The following VPS13C variants were observed in gnomAD, a reference collection of about 807,000 sequenced individuals.
VPS13C encodes vacuolar protein sorting 13 homolog C.
Under a neutral mutation model 456.8 loss-of-function variants are expected in VPS13C, and 358 were observed. The ratio of observed to expected loss-of-function variants is 0.78; its 90% CI spans 0.72 to 0.86. The LOEUF is 0.86. Among genes scored for constraint, VPS13C ranks in the 40% least tolerant of loss-of-function variants. The pLI, the probability that VPS13C is intolerant of heterozygous loss-of-function variation, is 0.00. For missense variants in VPS13C, 4,818 were observed against 4,385.4 expected (o/e 1.10, Z -2.79); for synonymous variants, 1,578 against 1,486.7 (o/e 1.06, Z -1.41).
chr15:61,931,365 A>G lies in VPS13C; in HGVS notation c.5869-106T>C, dbSNP rs983704217. 3 of 1,192,232 alleles carry G rather than the reference A, an allele frequency of 2.5e-6. No homozygotes were observed. The African/African-American group carries it at 4.6e-5, about 18-fold the overall frequency. 73.9% of individuals were successfully genotyped at this position (1,192,232 alleles called of 1,614,324 possible). On this transcript the variant is annotated intron_variant, in intron 49 of 84. Coordinates refer to ENST00000644861, the MANE Select transcript of VPS13C (RefSeq NM_020821.3). ...AACTTAAAGGCAAACTGATCTCATG[A>G]ATTTTAAAAGTATGAGTGCTAAAAC...
chr15:61,937,197 T>A (rs1465897977), intron 47 of VPS13C, among the ~76,000 whole-genome samples: 1 of 152,240 alleles, frequency 6.6e-6, no homozygotes, highest in Non-Finnish European at 1.5e-5. Flanking sequence ...TCCTGCTACG[T>A]AGCTCTTCAT....
chr15:62,032,930 C>T (rs973262518), intron 5 of VPS13C, among the ~76,000 whole-genome samples: 1 of 151,344 alleles, frequency 6.6e-6, no homozygotes, highest in Non-Finnish European at 1.5e-5. Context: ...AAAATGTAAA[C>T]GTAAGGCAGG....
At chr15:61,985,752 C>T (rs548700357) in intron 18 of VPS13C, among the ~76,000 whole-genome samples, 4 of 152,150 alleles carry the variant, frequency 2.6e-5, no homozygotes, top group Admixed American at 2.0e-4. Flanking sequence ...TAAATCCTGA[C>T]CCCAAAATTA....
chr15:61,914,321 C>T (rs1180034425), intron 61 of VPS13C, among the ~76,000 whole-genome samples: 2 of 152,034 alleles, frequency 1.3e-5, no homozygotes, highest in Non-Finnish European at 2.9e-5. Flanking sequence ...GTAATCCCAG[C>T]ATTTTGAGAG....
intron 19 of VPS13C, 138 bp from the exon 20 acceptor site, chr15:61,984,150 C>A: frequency 1.4e-6 from 1 of 721,090 alleles, no homozygotes; most frequent in South Asian, 2.1e-5. Flanking sequence ...GAAGCTCAAC[C>A]TCCTTAGCCA....
rs2044497561 is a variant in VPS13C, at chr15:61,943,468, C to T, written c.5149-1401G>A. ...GAGAACCCAGAAATAAAGCTGTACACCTACAGCCACCTGTTCTTTGACAAA... is the reference window on the plus strand; with the variant it reads ...GAGAACCCAGAAATAAAGCTGTACATCTACAGCCACCTGTTCTTTGACAAA... On this transcript the variant is annotated intron_variant, in intron 45 of 84. Coordinates refer to ENST00000644861, the MANE Select transcript of VPS13C (RefSeq NM_020821.3). Among the ~76,000 whole-genome samples, 4 of 152,202 alleles carry T rather than the reference C, an allele frequency of 2.6e-5. No homozygotes were observed. In the South Asian group the frequency reaches 6.2e-4, roughly 24 times the overall value.
chr15:62,008,971 A>C (rs2046949932), intron 13 of VPS13C, among the ~76,000 whole-genome samples: 1 of 152,194 alleles, frequency 6.6e-6, no homozygotes, highest in African/African-American at 2.4e-5. Flanking sequence ...ATCAATTTTA[A>C]GTTGTAATAT....
At chr15:61,963,998 C>A in intron 31 of VPS13C, 47 bp from the exon 32 acceptor site, 1 of 1,256,010 alleles carries the variant, frequency 8.0e-7, no homozygotes, top group Non-Finnish European at 1.1e-6. Context: ...TTCTAGTCAT[C>A]TACATTCTTT....
At chr15:62,012,215 G>T in intron 11 of VPS13C, 51 bp from the exon 12 acceptor site, 2 of 881,784 alleles carry the variant, frequency 2.3e-6, no homozygotes, top group South Asian at 1.5e-5. Flanking sequence ...CACATATTCA[G>T]ACTCAGACAC....
rs780291679 is a variant in VPS13C at position 61,974,412 on chromosome 15, T to G, written c.2414A>C (p.Lys805Thr). ...CATCAAAGGAAGTCCTCCTGACACT[T>G]TAAATCTAAAAATACAATTCAGTGG... ...VEKDIRMARF[K>T]VSGGLPLMHV... Residue 805 changes from lysine (K) to threonine (T), a missense_variant, in exon 25 of 85, where the codon AAA becomes ACA. Transcript: ENST00000644861. The G allele has an allele frequency of 1.2e-6, 2 of 1,611,500 alleles. No homozygotes were observed. The highest frequency in any genetic ancestry group is 1.7e-6 in the Non-Finnish European group (2 of 1,178,400).
Position 61,934,339 on chromosome 15 carries a change from T to C in VPS13C, c.5756-8A>G. The stretch of plus-strand genomic sequence containing the variant: ...CTGTCCAATCTTCTTGTTCTAATGG[T>C]GAAAATTTAAAAGCTTTTAAGTAGG... On this transcript the variant is annotated splice_polypyrimidine_tract_variant and splice_region_variant and intron_variant, in intron 48 of 84. Transcript: ENST00000644861. 1 of 1,481,870 alleles carries C rather than the reference T, an allele frequency of 6.7e-7. No individual in the cohort carries two copies. Among genetic ancestry groups the C allele is most frequent in the Non-Finnish European group, 9.0e-7 (1 of 1,111,308 alleles). 91.8% of individuals were successfully genotyped at this position (1,481,870 alleles called of 1,614,324 possible).
At chr15:61,960,534 A>T (rs2045159365) in intron 35 of VPS13C, among the ~76,000 whole-genome samples, 1 of 152,220 alleles carries the variant, frequency 6.6e-6, no homozygotes, top group Admixed American at 6.5e-5. Context: ...TAGTTAATAT[A>T]AGAGAATGAA....
chr15:61,961,410 C>A lies in VPS13C; in HGVS notation c.3908+179G>T, dbSNP rs981167800. ...CCAACTCAAAACACACACACACACA[C>A]ACACACACACACACACACACACACA... On this transcript the variant is annotated intron_variant, in intron 35 of 84. Coordinates refer to ENST00000644861, the MANE Select transcript of VPS13C (RefSeq NM_020821.3). Among the ~76,000 whole-genome samples, 7 of 128,856 alleles carry A rather than the reference C, an allele frequency of 5.4e-5. No homozygotes were observed. In the Admixed American group the frequency reaches 6.2e-4, roughly 11 times the overall value. 84.5% of individuals were successfully genotyped at this position (128,856 alleles called of 152,430 possible). A position where few individuals can be genotyped will look rare whatever the true frequency, so the allele number is the denominator to read the frequency against.
At chr15:61,915,530 A>T in intron 61 of VPS13C, 103 bp downstream of exon 61, 1 of 1,234,174 alleles carries the variant, frequency 8.1e-7, no homozygotes, top group Non-Finnish European at 1.1e-6. Flanking sequence ...CACCAATGGC[A>T]TTTAGCAAAT....
At chr15:61,971,360 C>G (rs1175200601) in intron 27 of VPS13C, among the ~76,000 whole-genome samples, 2 of 152,172 alleles carry the variant, frequency 1.3e-5, no homozygotes. Context: ...CTCCCAGGTT[C>G]AAGCAATTCT....
intron 4 of VPS13C, among the ~76,000 whole-genome samples, chr15:62,034,683 C>A (rs1324684112): frequency 3.3e-5 from 5 of 151,766 alleles, no homozygotes; most frequent in Non-Finnish European, 7.4e-5. Flanking sequence ...TGCAGCTCAA[C>A]AGGAAGCCTT....
In VPS13C at chr15:61,978,629, C is replaced by A. The variant is rs745741423; in HGVS notation, c.2287G>T (p.Ala763Ser). Reference protein sequence around the residue: ...IKNVQLLFARAEETWKKCRFQ... With the variant: ...IKNVQLLFARSEETWKKCRFQ... The stretch of plus-strand genomic sequence containing the variant: ...TAAAAGCTGAATAACGGTTTACCTG[C>A]TCTTGCAAAAAGTAGTTGTACATTT... The change falls in exon 23 of 85, where the codon GCA becomes TCA. Residue 763 changes from alanine (A) to serine (S), a missense_variant. Physicochemically the swap from Ala to Ser is moderately conservative, Grantham distance 99. Coordinates refer to ENST00000644861, the MANE Select transcript of VPS13C (RefSeq NM_020821.3). 4 of 1,610,248 alleles carry A rather than the reference C, an allele frequency of 2.5e-6. No individual in the cohort carries two copies. Among genetic ancestry groups the A allele is most frequent in the Non-Finnish European group, 3.4e-6 (4 of 1,178,666 alleles).
chr15:61,939,705 A>T (rs935872388), intron 47 of VPS13C, among the ~76,000 whole-genome samples: 1 of 152,100 alleles, frequency 6.6e-6, no homozygotes, highest in Non-Finnish European at 1.5e-5. Context: ...ATTAAAAATA[A>T]CGCTGTGGCC....
At chr15:62,008,868 T>C (rs2046945109) in intron 13 of VPS13C, 107 bp from the exon 14 acceptor site, 5 of 519,992 alleles carry the variant, frequency 9.6e-6, no homozygotes, top group Non-Finnish European at 1.5e-5. Context: ...CCCTGAACAA[T>C]GTTGCCTGGT....
Sources: allele counts gnomAD v4.1 joint callset (sites outside exome capture counted in the v4.1 genomes callset), GRCh38; gene constraint gnomAD v4.1.1; transcripts MANE v1.5; gene names NCBI Gene and HGNC (gene_info 2026-07-23, HGNC 2026-07-21).